Variants in CYP2C19 observed in about 807,000 individuals in gnomAD.
CYP2C19 encodes cytochrome P450 family 2 subfamily C member 19, also known as cytochrome P450 2C19.
A neutral mutation model predicts 40.9 loss-of-function variants in CYP2C19; 59 were observed. That is an observed-to-expected ratio of 1.44 (90% CI 1.17 to 1.79). The LOEUF (loss-of-function observed/expected upper bound fraction) is 1.79. Ranked by LOEUF, CYP2C19 falls within the 40% of genes most tolerant of loss-of-function variation. The pLI, the probability that CYP2C19 is intolerant of heterozygous loss-of-function variation, is 0.00. For missense variants in CYP2C19, 754 were observed against 596.9 expected, an observed-to-expected ratio of 1.26 and a Z score of -2.74; for synonymous variants, 253 against 208.7, an observed-to-expected ratio of 1.21 and a Z score of -1.83.
chr10:94,808,626 A>G (rs933213410), intron 5 of CYP2C19, among the ~76,000 whole-genome samples: 2 of 152,110 alleles, frequency 1.3e-5, no homozygotes, highest in African/African-American at 4.8e-5. Flanking sequence ...TCTACCCTGT[A>G]TCTCCATGGG....
At chr10:94,769,435 G>A (rs780806552) in intron 1 of CYP2C19, among the ~76,000 whole-genome samples, 2 of 152,142 alleles carry the variant, frequency 1.3e-5, no homozygotes, top group African/African-American at 2.4e-5. Context: ...TCAGAGTGCA[G>A]GGGAATACAG....
In CYP2C19 at chr10:94,807,697, G is replaced by T. The variant is rs114139249; in HGVS notation, c.820-12799G>T. On this transcript the variant is annotated intron_variant, in intron 5 of 8. Transcript: ENST00000371321. ...CACTTGTATGTCTCTTTTGGGAGACGCCTGTTCAGTTTATTTACCCATATT... is the reference window on the plus strand; with the variant it reads ...CACTTGTATGTCTCTTTTGGGAGACTCCTGTTCAGTTTATTTACCCATATT... Among the ~76,000 whole-genome samples the T allele has an allele frequency of 3.1e-3, 472 of 152,064 alleles. 3 individuals carry two copies. The highest frequency in any genetic ancestry group is 0.011 in the African/African-American group (449 of 41,516).
chr10:94,795,833 C>T (rs1196383895), intron 5 of CYP2C19, among the ~76,000 whole-genome samples: 2 of 151,550 alleles, frequency 1.3e-5, no homozygotes, highest in East Asian at 3.9e-4. Flanking sequence ...TATCCTTCAC[C>T]CACACTTTGA....
Position 94,849,940 on chromosome 10 carries a change from C to A in CYP2C19, c.1173C>A (p.Leu391=), listed in dbSNP as rs935030527. ...AGGGCACAACCATATTAACTTCCCT[C>A]ACTTCTGTGCTACATGACAACAAAG... ...IPKGTTILTS[L]TSVLHDNKEF... The change falls in exon 8 of 9, where the codon CTC becomes CTA. Residue 391 remains leucine, a synonymous_variant. Transcript: ENST00000371321. 5 of 1,613,638 alleles carry A rather than the reference C, an allele frequency of 3.1e-6. No individual in the cohort carries two copies. In the Admixed American group the frequency reaches 6.7e-5, roughly 22 times the overall value.
At position 94,820,578 on chromosome 10, in the gene CYP2C19, C is replaced by G; in HGVS notation, c.902C>G (p.Thr301Arg). 1 of 1,614,184 alleles carries G rather than the reference C, an allele frequency of 6.2e-7. No individual in the cohort carries two copies. The highest frequency in any genetic ancestry group is 8.5e-7 in the Non-Finnish European group (1 of 1,180,052). ...AADLLGAGTE[T>R]TSTTLRYALL... ...GACTTACTTGGAGCTGGGACAGAGA[C>G]AACAAGCACAACCCTGAGATATGCT... Residue 301 changes from threonine to arginine, a missense_variant, in exon 6 of 9, where the codon ACA (threonine) becomes AGA (arginine). Transcript: ENST00000371321.
chr10:94,837,718 T>G (rs565574481), intron 6 of CYP2C19, among the ~76,000 whole-genome samples: 133 of 152,166 alleles, frequency 8.7e-4, no homozygotes, highest in African/African-American at 2.6e-3. Context: ...CAGGAGACAG[T>G]TAACCTCCTG....
chr10:94,764,393 T>C (rs1197929040), intron 1 of CYP2C19, among the ~76,000 whole-genome samples: 1 of 152,050 alleles, frequency 6.6e-6, no homozygotes, highest in African/African-American at 2.4e-5. Flanking sequence ...ATTTTTACAG[T>C]GTTGATTGGT....
intron 6 of CYP2C19, among the ~76,000 whole-genome samples, chr10:94,838,680 A>G (rs1849443016): frequency 6.6e-6 from 1 of 152,016 alleles, no homozygotes; most frequent in African/African-American, 2.4e-5. Flanking sequence ...CTGGGGAAGG[A>G]GTCAGGGGGA....
At chr10:94,774,106 G>T (rs558119882) in intron 1 of CYP2C19, 11 of 152,268 alleles carry the variant, frequency 7.2e-5, no homozygotes, top group Middle Eastern at 6.8e-3. Flanking sequence ...AGAGAGAAAA[G>T]TTCTCCAAGT....
At position 94,775,635 on chromosome 10, in the gene CYP2C19, T is replaced by C. The variant is rs991545642; in HGVS notation, c.481+96T>C. 80 of 1,602,174 alleles carry C rather than the reference T, an allele frequency of 5.0e-5. 1 individual carries two copies. In the African/African-American group the frequency reaches 9.5e-4, roughly 19 times the overall value. On this transcript the variant is annotated intron_variant, in intron 3 of 8. Coordinates refer to ENST00000371321, the MANE Select transcript of CYP2C19 (RefSeq NM_000769.4). ...TTTCAGGGGTGGCCAGATCTTTTATTTGGAGTCCTGGTTGTTAGCTCATGT... is the reference window on the plus strand; with the variant it reads ...TTTCAGGGGTGGCCAGATCTTTTATCTGGAGTCCTGGTTGTTAGCTCATGT...
chr10:94,782,787 A>C (rs1848495987), intron 5 of CYP2C19, among the ~76,000 whole-genome samples: 1 of 152,160 alleles, frequency 6.6e-6, no homozygotes, highest in South Asian at 2.1e-4. Context: ...GGCATAAAAA[A>C]GATGAATTCA....
At chr10:94,814,395 T>G (rs1308169080) in intron 5 of CYP2C19, among the ~76,000 whole-genome samples, 4 of 152,106 alleles carry the variant, frequency 2.6e-5, no homozygotes, top group African/African-American at 9.7e-5. Flanking sequence ...GTCCCTGAAT[T>G]TATGTCTATG....
intron 5 of CYP2C19, among the ~76,000 whole-genome samples, chr10:94,795,052 T>G (rs929073636): frequency 6.6e-6 from 1 of 151,760 alleles, no homozygotes; most frequent in Non-Finnish European, 1.5e-5. Flanking sequence ...ATGTGCACAA[T>G]GTGCAGGTTT....
chr10:94,833,399 A>G (rs1564680413), intron 6 of CYP2C19, among the ~76,000 whole-genome samples: 1 of 152,058 alleles, frequency 6.6e-6, no homozygotes, highest in African/African-American at 2.4e-5. Flanking sequence ...TAGGTCTGTC[A>G]TATAGCTTTT....
At chr10:94,797,262 G>A (rs1489762967) in intron 5 of CYP2C19, among the ~76,000 whole-genome samples, 2 of 152,056 alleles carry the variant, frequency 1.3e-5, no homozygotes, top group Non-Finnish European at 2.9e-5. Context: ...TGTGGTTTTT[G>A]TCTTTGGTTC....
At chr10:94,827,412 T>G (rs1849246063) in intron 6 of CYP2C19, among the ~76,000 whole-genome samples, 1 of 151,984 alleles carries the variant, frequency 6.6e-6, no homozygotes, top group South Asian at 2.1e-4. Context: ...TGTCGAGGAA[T>G]GTATCCATTT....
At chr10:94,820,401 TG>T (rs1849096254) in intron 5 of CYP2C19, 94 bp from the exon 6 acceptor site, 1 of 1,391,282 alleles carries the variant, frequency 7.2e-7, no homozygotes, top group South Asian at 1.2e-5. Context: ...ACAGTTTCTA[TG>T]TTGGTAAGTA....
intron 5 of CYP2C19, among the ~76,000 whole-genome samples, chr10:94,798,038 G>T (rs553712690): frequency 2.6e-4 from 39 of 151,756 alleles, no homozygotes; most frequent in South Asian, 6.3e-4. Context: ...TGCTAGCTTT[G>T]GAATTTGTTT....
chr10:94,778,205 C>G (rs1319802583), intron 3 of CYP2C19, among the ~76,000 whole-genome samples: 1 of 152,154 alleles, frequency 6.6e-6, no homozygotes, highest in Non-Finnish European at 1.5e-5. Flanking sequence ...CAGGGAACAT[C>G]AAGAATGGAT....
Sources: allele counts gnomAD v4.1 joint callset (sites outside exome capture counted in the v4.1 genomes callset), GRCh38; gene constraint gnomAD v4.1.1; transcripts MANE v1.5; gene names NCBI Gene and HGNC (gene_info 2026-07-23, HGNC 2026-07-21).